Variants in HELZ observed in about 807,000 individuals in gnomAD.
HELZ encodes the protein helicase with zinc finger.
Under a neutral mutation model 218.2 loss-of-function variants are expected in HELZ, and 23 were observed. The ratio of observed to expected loss-of-function variants is 0.11; its 90% CI spans 0.08 to 0.15. The LOEUF is 0.15. Ranked by LOEUF, HELZ falls within the 10% of genes least tolerant of loss-of-function variation. HELZ has a pLI of 1.00. For missense variants in HELZ, 1,813 were observed against 2,353.7 expected (o/e 0.77, Z 4.75); for synonymous variants, 814 against 829.4 (o/e 0.98, Z 0.32).
At chr17:67,234,228 C>T (rs567993024) in intron 3 of HELZ, among the ~76,000 whole-genome samples, 1 of 137,240 alleles carries the variant, frequency 7.3e-6, no homozygotes, top group East Asian at 2.1e-4. Context: ...GAGGCTGAAG[C>T]AGGAAAATTG....
At chr17:67,090,167 G>A (rs939482004) in intron 31 of HELZ, among the ~76,000 whole-genome samples, 1 of 152,110 alleles carries the variant, frequency 6.6e-6, no homozygotes, top group African/African-American at 2.4e-5. Flanking sequence ...CTATTGATAT[G>A]ATTGTGTGAT....
At chr17:67,126,878 T>C (rs1384799280) in intron 24 of HELZ, among the ~76,000 whole-genome samples, 1 of 150,560 alleles carries the variant, frequency 6.6e-6, no homozygotes, top group Non-Finnish European at 1.5e-5. Context: ...ATAATAGTAA[T>C]AATAATGTAG....
At chr17:67,195,570 T>C in intron 7 of HELZ, 100 bp from the exon 8 acceptor site, 1 of 687,886 alleles carries the variant, frequency 1.5e-6, no homozygotes, top group Middle Eastern at 2.5e-4. Context: ...GAAGTTGGAA[T>C]ACTCAGAAAT....
intron 6 of HELZ, among the ~76,000 whole-genome samples, chr17:67,202,745 A>AATCACTTAGT (rs1182912319): frequency 1.3e-5 from 2 of 152,226 alleles, no homozygotes; most frequent in Non-Finnish European, 2.9e-5. Context: ...CTTCAAAGAA[A>AATCACTTAGT]ATCACTTAGT....
At chr17:67,182,435 A>G (rs2039640437) in intron 12 of HELZ, among the ~76,000 whole-genome samples, 2 of 152,150 alleles carry the variant, frequency 1.3e-5, no homozygotes, top group Admixed American at 1.3e-4. Flanking sequence ...ACAAAGCAAG[A>G]CTCAGTATCA....
chr17:67,150,021 A>G (rs772481173), intron 18 of HELZ, 36 bp from the exon 19 acceptor site: 1 of 1,270,056 alleles, frequency 7.9e-7, no homozygotes, highest in Non-Finnish European at 1.1e-6. Flanking sequence ...ATAGCACGCT[A>G]GAGCAGCAAC....
intron 7 of HELZ, among the ~76,000 whole-genome samples, 169 bp from the exon 8 acceptor site, chr17:67,195,639 T>C (rs1476988280): frequency 6.6e-6 from 1 of 152,142 alleles, no homozygotes; most frequent in Non-Finnish European, 1.5e-5. Flanking sequence ...TAAACTATAA[T>C]TAAATATGGA....
intron 26 of HELZ, among the ~76,000 whole-genome samples, chr17:67,121,084 A>G (rs1209082188): frequency 6.6e-6 from 1 of 152,242 alleles, no homozygotes; most frequent in African/African-American, 2.4e-5. Context: ...TTCCAACTTA[A>G]TATGAGTAAC....
chr17:67,168,401 G>A (rs2039213465), intron 13 of HELZ, among the ~76,000 whole-genome samples: 1 of 152,088 alleles, frequency 6.6e-6, no homozygotes, highest in Non-Finnish European at 1.5e-5. Context: ...ACTAAATGTT[G>A]TTTTTTAAGT....
rs1598232393 is a variant in HELZ, at chr17:67,107,438, A to G, written c.4972T>C (p.Phe1658Leu). Residue 1658 changes from phenylalanine (F) to leucine (L), a missense_variant, in exon 31 of 33, where the codon TTC (phenylalanine) becomes CTC (leucine). Physicochemically the swap from Phe to Leu is conservative, Grantham distance 22. Coordinates refer to ENST00000358691, the MANE Select transcript of HELZ (RefSeq NM_014877.4). ...GATGGCAACGAGAAAGGTGAGTTGA[A>G]TATCTGGGGTGGGAGGCGCTGTGGA... ...AFPQRLPPQIFNSPFSLPSEH... is the reference protein window; with the variant it reads ...AFPQRLPPQILNSPFSLPSEH... 1.2e-6 allele frequency: 2 copies of G among 1,614,152 alleles called. No homozygotes were observed. Among genetic ancestry groups the G allele is most frequent in the African/African-American group, 1.3e-5 (1 of 75,028 alleles).
chr17:67,097,481 A>T (rs1159117678), intron 31 of HELZ, among the ~76,000 whole-genome samples: 2 of 152,224 alleles, frequency 1.3e-5, no homozygotes, highest in Admixed American at 6.5e-5. Flanking sequence ...TCTAAATTTT[A>T]AAAAATGCCA....
intron 3 of HELZ, among the ~76,000 whole-genome samples, chr17:67,225,988 G>A (rs1454065167): frequency 1.3e-5 from 2 of 152,180 alleles, no homozygotes; most frequent in East Asian, 1.9e-4. Flanking sequence ...CCTGACGGGC[G>A]TGGTGGCTCA....
intron 12 of HELZ, among the ~76,000 whole-genome samples, chr17:67,181,462 C>A (rs2039610587): frequency 6.6e-6 from 1 of 152,052 alleles, no homozygotes; most frequent in South Asian, 2.1e-4. Flanking sequence ...TATATAGTAC[C>A]CTGATTCCCA....
In HELZ at chr17:67,166,538, T is replaced by C. The variant is rs760748623; in HGVS notation, c.1835A>G (p.Asp612Gly). 6.2e-7 allele frequency: 1 copy of C among 1,613,140 alleles called. No homozygotes were observed. Among genetic ancestry groups the C allele is most frequent in the South Asian group, 1.1e-5 (1 of 91,066 alleles). ...EMHYALDRIK[D>G]NGVLFPDISM... ...GATGTCTGGAAACAAAACCCCATTG[T>C]CCTTGATCCTGTCTAGTGCATAGTG... The change falls in exon 15 of 33, where the codon GAC (aspartate) becomes GGC (glycine). Residue 612 changes from aspartate to glycine, a missense_variant. Asp to Gly is a moderately conservative substitution (Grantham distance 94). This residue lies in a region of HELZ where 714 missense variants were observed against 1,029.2 expected (regional missense o/e 0.69). Coordinates refer to ENST00000358691, the MANE Select transcript of HELZ (RefSeq NM_014877.4).
intron 31 of HELZ, among the ~76,000 whole-genome samples, chr17:67,091,778 A>AT (rs573664044): frequency 3.2e-4 from 48 of 152,168 alleles, no homozygotes; most frequent in African/African-American, 1.1e-3. Context: ...AATAAGCTGC[A>AT]TTTTTTTTCT....
At chr17:67,117,552 C>CAT (rs1555603898) in intron 27 of HELZ, among the ~76,000 whole-genome samples, 4 of 143,050 alleles carry the variant, frequency 2.8e-5, no homozygotes, top group Non-Finnish European at 6.1e-5. Context: ...ATACTGAAAA[C>CAT]TTTTTTTTTT....
chr17:67,109,438 T>C lies in HELZ; in HGVS notation c.4167A>G (p.Glu1389=), dbSNP rs1567808185. Residue 1389 remains glutamate, a synonymous_variant, in exon 29 of 33, where the codon GAA becomes GAG. Coordinates refer to ENST00000358691, the MANE Select transcript of HELZ (RefSeq NM_014877.4). ...LLNQQQNNLP[E]QPNQIPPQPN... is the part of the protein sequence containing the mutation. ...GCTGAGGTGGTATCTGATTTGGTTG[T>C]TCAGGCAAATTATTCTGCTGCTGAT... The C allele has an allele frequency of 1.2e-6, 2 of 1,614,174 alleles. No individual in the cohort carries two copies. The highest frequency in any genetic ancestry group is 8.5e-7 in the Non-Finnish European group (1 of 1,180,030).
intron 2 of HELZ, among the ~76,000 whole-genome samples, chr17:67,240,961 G>A (rs1190918342): frequency 6.6e-6 from 1 of 152,134 alleles, no homozygotes; most frequent in Non-Finnish European, 1.5e-5. Context: ...CTTTTAAAAA[G>A]AGGAATATTC....
At chr17:67,083,245 T>C (rs1291912894) in intron 32 of HELZ, among the ~76,000 whole-genome samples, 2 of 152,194 alleles carry the variant, frequency 1.3e-5, no homozygotes, top group Non-Finnish European at 2.9e-5. Context: ...TGTCTAACCA[T>C]GAATACAAGA....
Sources: allele counts gnomAD v4.1 joint callset (sites outside exome capture counted in the v4.1 genomes callset), GRCh38; gene constraint gnomAD v4.1.1; regional missense constraint gnomAD v4.1.1; transcripts MANE v1.5; gene names NCBI Gene and HGNC (gene_info 2026-07-23, HGNC 2026-07-21).